The following ZFHX3 variants were observed in gnomAD, a reference collection of about 807,000 sequenced individuals.
ZFHX3 encodes zinc finger homeobox 3.
ZFHX3 carries 42 observed loss-of-function variants against 279.1 expected under a neutral mutation model. The ratio of observed to expected loss-of-function variants is 0.15; its 90% confidence interval spans 0.12 to 0.19. ZFHX3 has a LOEUF of 0.19. Among genes scored for constraint, ZFHX3 ranks in the 10% least tolerant of loss-of-function variants. The pLI, the probability that ZFHX3 is intolerant of heterozygous loss-of-function variation, is 1.00. For missense variants in ZFHX3, 4,981 were observed against 4,754.0 expected (o/e 1.05, Z -1.40); for synonymous variants, 2,293 against 1,957.8 (o/e 1.17, Z -4.52).
At chr16:73,735,778 T>A (rs2053603922) in intron 1 of ZFHX3, among the ~76,000 whole-genome samples, 1 of 152,192 alleles carries the variant, frequency 6.6e-6, no homozygotes, top group Admixed American at 6.5e-5. Context: ...CCACCTTAAA[T>A]AAGCAGGAGC....
At chr16:73,491,947 A>G (rs553115899) in intron 2 of ZFHX3, among the ~76,000 whole-genome samples, 11 of 152,284 alleles carry the variant, frequency 7.2e-5, no homozygotes, top group East Asian at 3.9e-4. Context: ...AGGAAATGCT[A>G]TCTCCCCATC....
intron 4 of ZFHX3, among the ~76,000 whole-genome samples, chr16:73,289,090 G>C (rs1218856439): frequency 6.6e-6 from 1 of 151,226 alleles, no homozygotes; most frequent in Non-Finnish European, 1.5e-5. Flanking sequence ...GAAAGTGTAT[G>C]AACTGAAGGC....
At chr16:73,298,749 G>C (rs1486959339) in intron 4 of ZFHX3, among the ~76,000 whole-genome samples, 1 of 152,130 alleles carries the variant, frequency 6.6e-6, no homozygotes, top group East Asian at 1.9e-4. Flanking sequence ...AGGGAAGGGA[G>C]ATGCTGTAAG....
chr16:73,873,371 A>G (rs1229178633), intron 1 of ZFHX3, among the ~76,000 whole-genome samples: 2 of 152,010 alleles, frequency 1.3e-5, no homozygotes, highest in Non-Finnish European at 2.9e-5. Flanking sequence ...TCATTTGAAA[A>G]GCAACAAGTT....
chr16:72,842,202 GTT>G (rs1212708805), intron 4 of ZFHX3, among the ~76,000 whole-genome samples: 1 of 151,078 alleles, frequency 6.6e-6, no homozygotes, highest in Non-Finnish European at 1.5e-5. Flanking sequence ...TGAGCAACTT[GTT>G]TTTTTGTTTT....
intron 2 of ZFHX3, among the ~76,000 whole-genome samples, chr16:73,510,163 C>A (rs934977048): frequency 1.3e-5 from 2 of 152,180 alleles, no homozygotes; most frequent in Non-Finnish European, 2.9e-5. Context: ...ATCAGCAAAT[C>A]TAAAGGCATC....
chr16:72,926,293 C>T (rs1488399840), intron 3 of ZFHX3, among the ~76,000 whole-genome samples: 3 of 152,106 alleles, frequency 2.0e-5, no homozygotes, highest in African/African-American at 4.8e-5. Context: ...TGTATTTTTG[C>T]GTCTCTGTCT....
intron 5 of ZFHX3, among the ~76,000 whole-genome samples, chr16:73,189,157 C>T (rs953663895): frequency 6.6e-6 from 1 of 152,172 alleles, no homozygotes; most frequent in South Asian, 2.1e-4. Context: ...CCACCGCGCC[C>T]GCCCACATCT....
chr16:73,701,308 A>G (rs1291671018), intron 1 of ZFHX3, among the ~76,000 whole-genome samples: 2 of 152,250 alleles, frequency 1.3e-5, no homozygotes, highest in African/African-American at 4.8e-5. Context: ...AAACTGGCAA[A>G]TGTTTCTAAA....
intron 2 of ZFHX3, among the ~76,000 whole-genome samples, chr16:73,573,775 T>C (rs914559063): frequency 6.6e-6 from 1 of 152,250 alleles, no homozygotes; most frequent in African/African-American, 2.4e-5. Context: ...CTGTTATGCC[T>C]GTGTATATGA....
At chr16:73,626,551 AAAG>A (rs2052418511) in intron 2 of ZFHX3, among the ~76,000 whole-genome samples, 1 of 152,224 alleles carries the variant, frequency 6.6e-6, no homozygotes, top group Non-Finnish European at 1.5e-5. Context: ...CCTCCAGTAA[AAAG>A]AACTCAGTGA....
At chr16:73,026,693 A>AAAAC (rs201116956) in intron 1 of ZFHX3, among the ~76,000 whole-genome samples, 38 of 144,728 alleles carry the variant, frequency 2.6e-4, no homozygotes, top group Non-Finnish European at 4.3e-4. Flanking sequence ...AAAAAAAAAA[A>AAAAC]AACACATAGT....
intron 1 of ZFHX3, among the ~76,000 whole-genome samples, chr16:73,878,940 G>GATGTATATATATATATAT (rs1288348948): frequency 7.1e-6 from 1 of 141,030 alleles, no homozygotes; most frequent in African/African-American, 2.6e-5. Flanking sequence ...AAAAAGATAA[G>GATGTATATATATATATAT]ATATATATAT....
At chr16:73,140,032 C>G (rs564112810) in intron 6 of ZFHX3, among the ~76,000 whole-genome samples, 14 of 152,250 alleles carry the variant, frequency 9.2e-5, no homozygotes, top group Non-Finnish European at 1.5e-5. Flanking sequence ...CCTTGGGAGG[C>G]CACGGTGGGA....
chr16:73,653,803 T>C (rs1252433823), intron 2 of ZFHX3, among the ~76,000 whole-genome samples: 1 of 152,016 alleles, frequency 6.6e-6, no homozygotes, highest in Non-Finnish European at 1.5e-5. Context: ...CATTTAGTGA[T>C]AAAGAATAAA....
At chr16:73,416,613 C>T (rs1331634717) in intron 3 of ZFHX3, among the ~76,000 whole-genome samples, 1 of 152,142 alleles carries the variant, frequency 6.6e-6, no homozygotes, top group African/African-American at 2.4e-5. Context: ...GTGGCTCACG[C>T]CTGTAATCCC....
intron 2 of ZFHX3, among the ~76,000 whole-genome samples, chr16:73,655,013 A>G (rs1311374045): frequency 6.6e-6 from 1 of 151,866 alleles, no homozygotes; most frequent in Non-Finnish European, 1.5e-5. Context: ...GGAGCCAGCC[A>G]CCATGCCTGG....
intron 2 of ZFHX3, among the ~76,000 whole-genome samples, chr16:73,460,887 C>T (rs541506353): frequency 1.5e-4 from 23 of 152,252 alleles, no homozygotes; most frequent in African/African-American, 3.6e-4. Flanking sequence ...CGCCTTCCAA[C>T]GTGATTGTAA....
chr16:73,166,323 A>G (rs1460382400), intron 5 of ZFHX3, among the ~76,000 whole-genome samples: 1 of 152,202 alleles, frequency 6.6e-6, no homozygotes, highest in Non-Finnish European at 1.5e-5. Flanking sequence ...TCTAAAAGGA[A>G]GAGATTCCGA....
Sources: allele counts gnomAD v4.1 joint callset (sites outside exome capture counted in the v4.1 genomes callset), GRCh38; gene constraint gnomAD v4.1.1; transcripts MANE v1.5; gene names NCBI Gene and HGNC (gene_info 2026-07-23, HGNC 2026-07-21).